UNC79: variants seen among roughly 807,000 people sequenced by gnomAD.
UNC79 encodes the protein unc-79 subunit of NALCN channel complex.
UNC79 carries 37 observed loss-of-function variants against 283.1 expected under a neutral mutation model. The ratio of observed to expected loss-of-function variants is 0.13; its 90% CI spans 0.10 to 0.17. UNC79 has a LOEUF of 0.17. UNC79 is among the 10% of genes least tolerant of loss of function. The probability of loss-of-function intolerance (pLI) is 1.00; values close to 1 mark genes in which losing one functional copy is unlikely to be tolerated. For missense variants in UNC79, 2,272 were observed against 3,211.1 expected, an observed-to-expected ratio of 0.71 and a Z score of 7.07; for synonymous variants, 1,107 against 1,200.2, an observed-to-expected ratio of 0.92 and a Z score of 1.61.
At chr14:93,589,986 G>A (rs1404624868) in intron 22 of UNC79, among the ~76,000 whole-genome samples, 1 of 152,162 alleles carries the variant, frequency 6.6e-6, no homozygotes, top group Non-Finnish European at 1.5e-5. Context: ...CTTGATTTGA[G>A]GAGACTTTCT....
intron 26 of UNC79, among the ~76,000 whole-genome samples, chr14:93,610,199 G>A (rs973101170): frequency 2.0e-5 from 3 of 152,184 alleles, no homozygotes; most frequent in African/African-American, 7.2e-5. Context: ...TGGGATGGAA[G>A]GAAATGGGCA....
At chr14:93,641,369 T>A (rs2069016925) in intron 33 of UNC79, 122 bp downstream of exon 36, 1 of 891,896 alleles carries the variant, frequency 1.1e-6, no homozygotes, top group Admixed American at 2.2e-5. Flanking sequence ...TCCTCCAGTA[T>A]ATTGCCTGGC....
chr14:93,627,350 T>G (rs759262347), intron 30 of UNC79, among the ~76,000 whole-genome samples: 1 of 152,210 alleles, frequency 6.6e-6, no homozygotes, highest in Non-Finnish European at 1.5e-5. Flanking sequence ...AGATATTGTC[T>G]GTATGCTAAG....
chr14:93,700,811 T>C (rs1341564367), intron 47 of UNC79, among the ~76,000 whole-genome samples: 1 of 152,126 alleles, frequency 6.6e-6, no homozygotes, highest in African/African-American at 2.4e-5. Flanking sequence ...GTTCTATGAG[T>C]TATAAGATTT....
intron 1 of UNC79, among the ~76,000 whole-genome samples, chr14:93,377,656 C>T (rs770893370): frequency 2.0e-4 from 30 of 152,160 alleles, no homozygotes; most frequent in Non-Finnish European, 4.4e-4. Context: ...AATCCTATAA[C>T]GGAACTGCTT....
intron 1 of UNC79, among the ~76,000 whole-genome samples, chr14:93,453,281 G>GAA (rs2140179815): frequency 6.6e-6 from 1 of 152,280 alleles, no homozygotes; most frequent in East Asian, 1.9e-4. Context: ...ATAGGTGGTT[G>GAA]ATAATTCAGA....
At chr14:93,666,914 G>A (rs1346642963) in intron 40 of UNC79, among the ~76,000 whole-genome samples, 2 of 152,022 alleles carry the variant, frequency 1.3e-5, no homozygotes, top group Admixed American at 6.6e-5. Flanking sequence ...TACCAGCCTG[G>A]GCAACATAAC....
chr14:93,693,679 G>T (rs2140967233), intron 46 of UNC79, among the ~76,000 whole-genome samples: 1 of 152,214 alleles, frequency 6.6e-6, no homozygotes, highest in East Asian at 1.9e-4. Flanking sequence ...AACAGTTATT[G>T]CCGATGAAGA....
intron 1 of UNC79, among the ~76,000 whole-genome samples, chr14:93,452,043 TC>T (rs1323074473): frequency 6.6e-6 from 1 of 152,196 alleles, no homozygotes; most frequent in Non-Finnish European, 1.5e-5. Flanking sequence ...CCAGAACCTT[TC>T]TCTTACTTTT....
chr14:93,420,975 C>T (rs909475318), intron 1 of UNC79, among the ~76,000 whole-genome samples: 5 of 151,542 alleles, frequency 3.3e-5, no homozygotes, highest in African/African-American at 1.2e-4. Flanking sequence ...ATGGAAGTTC[C>T]CAGCTATAAG....
chr14:93,376,140 A>C (rs1238931209), intron 1 of UNC79, among the ~76,000 whole-genome samples: 2 of 152,234 alleles, frequency 1.3e-5, no homozygotes, highest in East Asian at 3.8e-4. Flanking sequence ...AATAAGCAAT[A>C]GAAAATGGAC....
At chr14:93,620,075 C>T (rs1246536883) in intron 29 of UNC79, among the ~76,000 whole-genome samples, 2 of 152,024 alleles carry the variant, frequency 1.3e-5, no homozygotes, top group East Asian at 3.9e-4. Flanking sequence ...GAAGGGAGGA[C>T]GTAGAAACAA....
intron 1 of UNC79, among the ~76,000 whole-genome samples, chr14:93,437,722 T>A (rs2056141715): frequency 6.6e-6 from 1 of 152,094 alleles, no homozygotes; most frequent in East Asian, 1.9e-4. Context: ...CTTCTGGGGG[T>A]TTCTGGCAAT....
intron 44 of UNC79, chr14:93,689,888 T>G: frequency 1.8e-6 from 1 of 550,002 alleles, no homozygotes. Flanking sequence ...TGTGTAATCC[T>G]GTGTCACCAA....
chr14:93,374,818 A>T (rs1595402005), intron 1 of UNC79, among the ~76,000 whole-genome samples: 1 of 152,132 alleles, frequency 6.6e-6, no homozygotes, highest in African/African-American at 2.4e-5. Context: ...AAGTGATGGG[A>T]TTACGGGTGT....
At position 93,476,899 on chromosome 14, in the gene UNC79, A is replaced by G. The variant is rs1286388675; in HGVS notation, c.449-659A>G. Among the ~76,000 whole-genome samples, 5 of 152,234 alleles carry G rather than the reference A, an allele frequency of 3.3e-5. No individual in the cohort carries two copies. In the East Asian group the frequency reaches 9.6e-4, roughly 29 times the overall value. On this transcript the variant is annotated intron_variant, in intron 3 of 48. Transcript: ENST00000555664. ...ATTTGTGGAGCACACAGTATGTGCT[A>G]TGCTAAGGACTTTACATTTATCTCA...
intron 1 of UNC79, among the ~76,000 whole-genome samples, chr14:93,335,662 A>G (rs2139861632): frequency 6.6e-6 from 1 of 152,352 alleles, no homozygotes; most frequent in South Asian, 2.1e-4. Flanking sequence ...TTATGACTCG[A>G]AAGGACATGT....
rs117411721 is a variant in UNC79, at chr14:93,685,470, G to C, written c.6820-1102G>C. ...AAGAAAACTTTGGAACGTACGAAATGCTTGGAAAACACTCTGACAGACTGC... is the reference window on the plus strand; with the variant it reads ...AAGAAAACTTTGGAACGTACGAAATCCTTGGAAAACACTCTGACAGACTGC... On this transcript the variant is annotated intron_variant, in intron 42 of 48. Coordinates refer to ENST00000555664, the Ensembl canonical transcript of UNC79. 1.1e-4 allele frequency among the ~76,000 whole-genome samples: 16 copies of C among 152,296 alleles called. No individual in the cohort carries two copies. In the East Asian group the frequency reaches 3.1e-3, roughly 29 times the overall value.
chr14:93,439,399 G>A (rs980016655), intron 1 of UNC79, among the ~76,000 whole-genome samples: 4 of 151,670 alleles, frequency 2.6e-5, no homozygotes, highest in African/African-American at 4.8e-5. Context: ...TTTTTAAACC[G>A]AAATGGGTGT....
Sources: gnomAD v4.1 joint callset for allele counts (sites outside exome capture counted in the v4.1 genomes callset) on GRCh38, gnomAD v4.1.1 for gene constraint, MANE v1.5 for transcripts, NCBI Gene and HGNC (gene_info 2026-07-23, HGNC 2026-07-21) for gene names.